Variants in TTLL10 observed in about 807,000 individuals in gnomAD.
TTLL10 encodes tubulin tyrosine ligase like 10.
In TTLL10, 61 loss-of-function variants were observed where a neutral mutation model predicts 69.0. The ratio of observed to expected loss-of-function variants is 0.88; its 90% confidence interval spans 0.72 to 1.09. TTLL10 has a LOEUF of 1.09. Ranked by LOEUF, TTLL10 falls within the 50% of genes least tolerant of loss-of-function variation. The pLI, the probability that TTLL10 is intolerant of heterozygous loss-of-function variation, is 0.00. For missense variants in TTLL10, 962 were observed against 945.9 expected (o/e 1.02, Z -0.22); for synonymous variants, 408 against 393.3 (o/e 1.04, Z -0.44).
rs1647005955 is a variant in TTLL10, at chr1:1,180,249, G to A, written c.415G>A (p.Glu139Lys). ...NAAGPSAALL[E>K]GLLLGGGKPS... is the part of the protein sequence containing the mutation. ...CGCCGGGCCCTCAGCTGCCCTCCTGGAGGGGCTCCTGCTGGGGGGTGGGAA... is the reference window on the plus strand; with the variant it reads ...CGCCGGGCCCTCAGCTGCCCTCCTGAAGGGGCTCCTGCTGGGGGGTGGGAA... Residue 139 changes from glutamate (E) to lysine (K), a missense_variant, in exon 6 of 16, where the codon GAG (glutamate) becomes AAG (lysine). Transcript: ENST00000379289. 1 of 1,604,398 alleles carries A rather than the reference G, an allele frequency of 6.2e-7. No homozygotes were observed. The highest frequency in any genetic ancestry group is 8.5e-7 in the Non-Finnish European group (1 of 1,176,542).
chr1:1,185,234 G>T lies in TTLL10; in HGVS notation c.1401+125G>T. On this transcript the variant is annotated intron_variant, in intron 13 of 15. Transcript: ENST00000379289. The surrounding 1 kb of genome is among the most constrained non-coding windows in gnomAD (Gnocchi z 6.1). ...GGGCGGCTGCGCTGAAGTGTGACCT[G>T]ACCGTGTGGAACCAAACCCTTCCAG... The T allele has an allele frequency of 6.7e-7, 1 of 1,487,986 alleles. No individual in the cohort carries two copies. Among genetic ancestry groups the T allele is most frequent in the South Asian group, 1.4e-5 (1 of 71,746 alleles). 92.2% of individuals were successfully genotyped at this position (1,487,986 alleles called of 1,614,324 possible).
rs1045778394 is a variant in TTLL10, at chr1:1,185,616, A to G, written c.1401+507A>G. 5.1e-6 allele frequency: 5 copies of G among 987,516 alleles called. No homozygotes were observed. The highest frequency in any genetic ancestry group is 6.1e-5 in the Admixed American group (1 of 16,420). The allele number at this position is 987,516 out of a possible 1,614,324, so 61.2% of individuals were successfully genotyped here. A position where few individuals can be genotyped will look rare whatever the true frequency, so the allele number is the denominator to read the frequency against. ...GGTACTTCAAACAGCCCTAGCAGCAAAGGCCCTTGAGCAGCGCGGTGTGAA... is the reference window on the plus strand; with the variant it reads ...GGTACTTCAAACAGCCCTAGCAGCAGAGGCCCTTGAGCAGCGCGGTGTGAA... On this transcript the variant is annotated intron_variant, in intron 13 of 15. Transcript: ENST00000379289. The surrounding 1 kb of genome is among the most constrained non-coding windows in gnomAD (Gnocchi z 6.1).
rs1367585719 is a variant in TTLL10, at chr1:1,183,937, T to C, written c.1106T>C (p.Leu369Pro). The part of the protein sequence containing the change: ...RVVQRYIQNP[L>P]LVDGRKFDVR... The stretch of plus-strand genomic sequence containing the variant: ...GCCCCCAGGTACATCCAGAACCCGC[T>C]GCTGGTGGACGGGAGAAAGTTTGAC... The change falls in exon 12 of 16, where the codon CTG (leucine) becomes CCG (proline). Residue 369 changes from leucine to proline, a missense_variant. Physicochemically the swap from Leu to Pro is moderately conservative, Grantham distance 98 (BLOSUM62 -3). Coordinates refer to ENST00000379289, the MANE Select transcript of TTLL10 (RefSeq NM_001130045.2). 6 of 1,614,042 alleles carry C rather than the reference T, an allele frequency of 3.7e-6. No individual in the cohort carries two copies. Among genetic ancestry groups the C allele is most frequent in the Admixed American group, 1.7e-5 (1 of 60,010 alleles).
At chr1:1,191,730 A>G (rs1341816399) in intron 13 of TTLL10, among the ~76,000 whole-genome samples, 1 of 152,204 alleles carries the variant, frequency 6.6e-6, no homozygotes, top group African/African-American at 2.4e-5. Context: ...CCCTGAACAG[A>G]GATTTACCCA....
At chr1:1,175,747 G>A (rs1396380298) in intron 3 of TTLL10, 1 of 451,200 alleles carries the variant, frequency 2.2e-6, no homozygotes, top group Non-Finnish European at 4.5e-6. Context: ...TGTGCAGGTG[G>A]AGAGAGGCTG....
intron 13 of TTLL10, among the ~76,000 whole-genome samples, chr1:1,187,731 C>T (rs994529848): frequency 6.6e-6 from 1 of 151,974 alleles, no homozygotes; most frequent in Non-Finnish European, 1.5e-5. Flanking sequence ...GTGGAGAAAC[C>T]CCATCTCTAC....
intron 3 of TTLL10, among the ~76,000 whole-genome samples, chr1:1,177,092 CTGTGTGTACGTG>C (rs1199293274): frequency 6.8e-6 from 1 of 146,496 alleles, no homozygotes; most frequent in Admixed American, 6.8e-5. Flanking sequence ...GTGTGTGTGT[CTGTGTGTACGTG>C]TGTGTGTAGA....
intron 15 of TTLL10, 64 bp from the exon 16 acceptor site, chr1:1,197,374 C>CCA: frequency 1.4e-6 from 1 of 710,066 alleles, no homozygotes; most frequent in Non-Finnish European, 2.3e-6. Context: ...CCCTCACACC[C>CCA]TCCCCACCCC....
In TTLL10 at chr1:1,185,960, A is replaced by C; in HGVS notation, c.1401+851A>C. ...TCACCTCAAAAAAGAAACACTACTA[A>C]CGAGCCATCACAGCTACATTGCCGG... On this transcript the variant is annotated intron_variant, in intron 13 of 15. Coordinates refer to ENST00000379289, the MANE Select transcript of TTLL10 (RefSeq NM_001130045.2). This position sits in a 1 kb window ranked among gnomAD's most constrained non-coding sequence, Gnocchi z 6.1. 2.1e-6 allele frequency: 1 copy of C among 475,654 alleles called. No individual in the cohort carries two copies. The highest frequency in any genetic ancestry group is 2.7e-6 in the Non-Finnish European group (1 of 363,978). The allele number at this position is 475,654 out of a possible 1,614,324, so 29.5% of individuals were successfully genotyped here.
At chr1:1,190,431 ATTT>A (rs541647229) in intron 13 of TTLL10, among the ~76,000 whole-genome samples, 1 of 142,228 alleles carries the variant, frequency 7.0e-6, no homozygotes. Flanking sequence ...TCTTTTACTA[ATTT>A]TTTTTTTTTT....
In TTLL10 at chr1:1,185,857, A is replaced by T; in HGVS notation, c.1401+748A>T. The T allele has an allele frequency of 1.0e-6, 1 of 983,972 alleles. No homozygotes were observed. Among genetic ancestry groups the T allele is most frequent in the Non-Finnish European group, 1.2e-6 (1 of 828,648 alleles). The allele number at this position is 983,972 out of a possible 1,614,324, so 61.0% of individuals were successfully genotyped here. A position where few individuals can be genotyped will look rare whatever the true frequency, so the allele number is the denominator to read the frequency against. On this transcript the variant is annotated intron_variant, in intron 13 of 15. Coordinates refer to ENST00000379289, the MANE Select transcript of TTLL10 (RefSeq NM_001130045.2). The surrounding 1 kb of genome is among the most constrained non-coding windows in gnomAD (Gnocchi z 6.1). Reference sequence around the variant, plus strand: ...TAATTCACAGAACATAAAATTCACGATCTTAAAGTGTGCAGTTCAGTGGCT... The same window carrying T: ...TAATTCACAGAACATAAAATTCACGTTCTTAAAGTGTGCAGTTCAGTGGCT...
chr1:1,177,676 C>T (rs1210896411), intron 3 of TTLL10, among the ~76,000 whole-genome samples: 1 of 152,206 alleles, frequency 6.6e-6, no homozygotes, highest in African/African-American at 2.4e-5. Context: ...CCTGGGCAGC[C>T]CCTTTGGCTG....
At position 1,185,399 on chromosome 1, in the gene TTLL10, C is replaced by T; in HGVS notation, c.1401+290C>T. 7.8e-7 allele frequency: 1 copy of T among 1,279,754 alleles called. No homozygotes were observed. The highest frequency in any genetic ancestry group is 9.9e-7 in the Non-Finnish European group (1 of 1,012,246). 79.3% of individuals were successfully genotyped at this position (1,279,754 alleles called of 1,614,324 possible). On this transcript the variant is annotated intron_variant, in intron 13 of 15. Coordinates refer to ENST00000379289, the MANE Select transcript of TTLL10 (RefSeq NM_001130045.2). The surrounding 1 kb of genome is among the most constrained non-coding windows in gnomAD (Gnocchi z 6.1). ...TCAGGGGACAGCTCGGCTTCAGTGA[C>T]AGCCACCATGTGAAGAGTCTTTGTT...
chr1:1,182,265 ACTCC>A, intron 9 of TTLL10, 92 bp from the exon 10 acceptor site: 1 of 1,106,148 alleles, frequency 9.0e-7, no homozygotes, highest in Admixed American at 1.7e-5. Context: ...CACTGCCCAC[ACTCC>A]CTCCCGCCGG....
intron 1 of TTLL10, 94 bp from the exon 2 acceptor site, chr1:1,174,191 G>C (rs1201093640): frequency 6.6e-6 from 1 of 152,514 alleles, no homozygotes; most frequent in Non-Finnish European, 1.5e-5. Flanking sequence ...GCAGCCCTGG[G>C]ACGAGCTCCG....
chr1:1,196,443 CTG>C, intron 13 of TTLL10, 155 bp from the exon 14 acceptor site: 1 of 624,244 alleles, frequency 1.6e-6, no homozygotes, highest in Non-Finnish European at 2.9e-6. Flanking sequence ...GGCTGTGAAC[CTG>C]TGAGGCTGAG....
chr1:1,174,975 G>C (rs1424768459), intron 3 of TTLL10: 2 of 152,478 alleles, frequency 1.3e-5, no homozygotes, highest in African/African-American at 2.4e-5. Flanking sequence ...AATTAGCCGG[G>C]CATGGCAGCA....
intron 3 of TTLL10, chr1:1,176,416 G>A (rs1195034866): frequency 6.6e-6 from 3 of 454,894 alleles, no homozygotes; most frequent in African/African-American, 6.0e-5. Context: ...ACAGTCATCA[G>A]GTCAGCTGCA....
intron 13 of TTLL10, among the ~76,000 whole-genome samples, chr1:1,195,641 G>A (rs369804955): frequency 6.7e-5 from 10 of 149,824 alleles, no homozygotes; most frequent in South Asian, 6.4e-4. Context: ...CACTGTGCCC[G>A]GCCCATACTT....
Sources: allele counts gnomAD v4.1 joint callset (sites outside exome capture counted in the v4.1 genomes callset), GRCh38; gene constraint gnomAD v4.1.1; non-coding constraint Gnocchi (gnomAD v3.1); transcripts MANE v1.5; gene names NCBI Gene and HGNC (gene_info 2026-07-23, HGNC 2026-07-21).